RPS6KB1: variants seen among roughly 807,000 people sequenced by gnomAD.
RPS6KB1 encodes ribosomal protein S6 kinase B1.
In RPS6KB1, 12 loss-of-function variants were observed where a neutral mutation model predicts 70.2. The observed-to-expected ratio is 0.17, with a 90% CI of 0.11 to 0.28. RPS6KB1 has a LOEUF of 0.28. RPS6KB1 is among the 10% of genes least tolerant of loss of function. The pLI is 1.00. For missense variants in RPS6KB1, 270 were observed against 646.6 expected, an observed-to-expected ratio of 0.42 and a Z score of 6.32; for synonymous variants, 175 against 211.2, an observed-to-expected ratio of 0.83 and a Z score of 1.49.
At chr17:59,924,532 AC>A (rs1254474413) in intron 4 of RPS6KB1, among the ~76,000 whole-genome samples, 5 of 151,998 alleles carry the variant, frequency 3.3e-5, no homozygotes, top group Non-Finnish European at 5.9e-5. Context: ...TTTTATAATT[AC>A]AGTAATATTT....
chr17:59,920,985 A>G, intron 4 of RPS6KB1, among the ~76,000 whole-genome samples: 1 of 152,220 alleles, frequency 6.6e-6, no homozygotes, highest in Non-Finnish European at 1.5e-5. Flanking sequence ...GGCGTGAGCC[A>G]CTGCGCCCAG....
intron 7 of RPS6KB1, among the ~76,000 whole-genome samples, chr17:59,932,550 C>CTTTTTT (rs11390348): frequency 7.7e-5 from 10 of 130,304 alleles, no homozygotes; most frequent in Non-Finnish European, 1.4e-4. Context: ...CATCAGGTTA[C>CTTTTTT]TTTTTTTTTT....
intron 4 of RPS6KB1, 73 bp from the exon 5 acceptor site, chr17:59,926,362 T>C: frequency 8.6e-7 from 1 of 1,160,290 alleles, no homozygotes; most frequent in Non-Finnish European, 1.2e-6. Flanking sequence ...ACAAAATAGA[T>C]TTTAGAATAA....
At chr17:59,910,658 T>C in intron 2 of RPS6KB1, 47 bp downstream of exon 2, 1 of 1,269,508 alleles carries the variant, frequency 7.9e-7, no homozygotes, top group Non-Finnish European at 1.1e-6. Flanking sequence ...TTCTTACAAG[T>C]AGGTTTTATC....
At chr17:59,940,727 A>T in intron 12 of RPS6KB1, 109 bp from the exon 13 acceptor site, 1 of 580,876 alleles carries the variant, frequency 1.7e-6, no homozygotes, top group East Asian at 3.0e-5. Flanking sequence ...CTATTCTAAT[A>T]CTTTATTATA....
Position 59,946,815 on chromosome 17 carries a change from GGC to G in RPS6KB1, c.*28_*29del. ...AGAGCAATGCTTTTAATGAATTTAAGGCAAAAAAGGTGGAGAGGGAGATGTGT... is the reference window on the plus strand; with the variant it reads ...AGAGCAATGCTTTTAATGAATTTAAGAAAAAAGGTGGAGAGGGAGATGTGT... On this transcript the variant is annotated 3_prime_UTR_variant, in exon 15 of 15. Coordinates refer to ENST00000225577, the MANE Select transcript of RPS6KB1 (RefSeq NM_003161.4). This position sits in a 1 kb window ranked among gnomAD's most constrained non-coding sequence, Gnocchi z 4.2. 6.2e-7 allele frequency: 1 copy of G among 1,608,832 alleles called. No homozygotes were observed. The highest frequency in any genetic ancestry group is 1.7e-5 in the Admixed American group (1 of 59,200).
intron 4 of RPS6KB1, among the ~76,000 whole-genome samples, chr17:59,919,435 A>G (rs1263003058): frequency 1.3e-5 from 2 of 152,152 alleles, no homozygotes; most frequent in Non-Finnish European, 2.9e-5. Context: ...AGCTTGGACA[A>G]CAAGAGCGAG....
At chr17:59,912,902 C>T (rs780919783) in intron 3 of RPS6KB1, 98 bp downstream of exon 3, 38 of 1,332,972 alleles carry the variant, frequency 2.9e-5, no homozygotes, top group Non-Finnish European at 3.7e-5. Flanking sequence ...TGTCAGCTAT[C>T]AGCAAAGGAT....
chr17:59,938,077 C>G (rs1285341447), intron 12 of RPS6KB1, among the ~76,000 whole-genome samples: 1 of 147,692 alleles, frequency 6.8e-6, no homozygotes, highest in Non-Finnish European at 1.5e-5. Flanking sequence ...ATTAGGTCAT[C>G]TTGTTTAAAC....
chr17:59,918,144 GCTGGTTTCGAACTC>G (rs1486326343), intron 4 of RPS6KB1, among the ~76,000 whole-genome samples: 2 of 152,036 alleles, frequency 1.3e-5, no homozygotes, highest in African/African-American at 2.4e-5. Flanking sequence ...TGTTGGTCAG[GCTGGTTTCGAACTC>G]CTGACTTAGG....
chr17:59,935,758 A>G (rs1229915625), intron 10 of RPS6KB1, among the ~76,000 whole-genome samples: 1 of 152,102 alleles, frequency 6.6e-6, no homozygotes, highest in East Asian at 1.9e-4. Flanking sequence ...CTGGGATTAC[A>G]GACCCTTAAA....
At chr17:59,941,755 T>C (rs1332105801) in intron 13 of RPS6KB1, among the ~76,000 whole-genome samples, 1 of 151,334 alleles carries the variant, frequency 6.6e-6, no homozygotes, top group Non-Finnish European at 1.5e-5. Context: ...TGCCTCAGCC[T>C]CCCGAGTAGC....
At chr17:59,923,217 G>T (rs2043386782) in intron 4 of RPS6KB1, among the ~76,000 whole-genome samples, 2 of 150,998 alleles carry the variant, frequency 1.3e-5, no homozygotes, top group Non-Finnish European at 2.9e-5. Flanking sequence ...TGAGTGCAGT[G>T]GCATGATCAT....
chr17:59,941,696 C>T (rs1186797747), intron 13 of RPS6KB1, among the ~76,000 whole-genome samples: 2 of 149,098 alleles, frequency 1.3e-5, no homozygotes, highest in African/African-American at 2.5e-5. Flanking sequence ...TGCAGTGGCG[C>T]GATCTCAGCT....
chr17:59,938,090 A>T (rs1292733583), intron 12 of RPS6KB1, among the ~76,000 whole-genome samples: 1 of 150,994 alleles, frequency 6.6e-6, no homozygotes, highest in Non-Finnish European at 1.5e-5. Flanking sequence ...GTTTAAACAT[A>T]ACTGCCATCC....
intron 5 of RPS6KB1, among the ~76,000 whole-genome samples, chr17:59,927,186 C>T (rs1241232466): frequency 3.9e-5 from 6 of 152,068 alleles, no homozygotes; most frequent in South Asian, 4.2e-4. Flanking sequence ...GGAGTTCAAG[C>T]GATTCTCCTG....
At chr17:59,926,714 T>C (rs2043628130) in intron 5 of RPS6KB1, 132 bp downstream of exon 5, 1 of 653,360 alleles carries the variant, frequency 1.5e-6, no homozygotes. Context: ...TACACTGAAG[T>C]ACAAAATTCA....
intron 1 of RPS6KB1, among the ~76,000 whole-genome samples, chr17:59,901,290 C>T (rs1345363951): frequency 1.3e-5 from 2 of 151,340 alleles, no homozygotes; most frequent in Non-Finnish European, 2.9e-5. Flanking sequence ...GCTGGGACTA[C>T]AGGTGCCCGC....
At chr17:59,895,184 C>G (rs1023206667) in intron 1 of RPS6KB1, among the ~76,000 whole-genome samples, 1 of 151,394 alleles carries the variant, frequency 6.6e-6, no homozygotes, top group African/African-American at 2.4e-5. Context: ...CCACACCTGG[C>G]TAATTTTTTG....
Sources: gnomAD v4.1 joint callset for allele counts (sites outside exome capture counted in the v4.1 genomes callset) on GRCh38, gnomAD v4.1.1 for gene constraint, Gnocchi (gnomAD v3.1) non-coding constraint, MANE v1.5 for transcripts, NCBI Gene and HGNC (gene_info 2026-07-23, HGNC 2026-07-21) for gene names.